Variants in SLC2A13 observed in about 807,000 individuals in gnomAD.
SLC2A13 encodes the protein solute carrier family 2 member 13, also known as proton myo-inositol cotransporter.
A neutral mutation model predicts 64.4 loss-of-function variants in SLC2A13; 32 were observed. The ratio of observed to expected loss-of-function variants is 0.50; its 90% CI spans 0.37 to 0.67. The LOEUF (loss-of-function observed/expected upper bound fraction) is 0.67, where lower values mean the gene tolerates loss of function less well. Among genes scored for constraint, SLC2A13 ranks in the 30% least tolerant of loss-of-function variants. SLC2A13 has a pLI of 0.00. For missense variants in SLC2A13, 743 were observed against 829.2 expected, an observed-to-expected ratio of 0.90 and a Z score of 1.28; for synonymous variants, 338 against 327.1, an observed-to-expected ratio of 1.03 and a Z score of -0.36.
At chr12:39,783,459 A>C (rs1439087407) in intron 7 of SLC2A13, among the ~76,000 whole-genome samples, 2 of 152,196 alleles carry the variant, frequency 1.3e-5, no homozygotes, top group Non-Finnish European at 2.9e-5. Context: ...GTCTTCCACA[A>C]TGGTTGAACT....
chr12:39,951,325 A>T lies in SLC2A13; in HGVS notation c.966T>A (p.Thr322=). The T allele has an allele frequency of 6.2e-7, 1 of 1,611,790 alleles. No homozygotes were observed. Among genetic ancestry groups the T allele is most frequent in the Non-Finnish European group, 8.5e-7 (1 of 1,178,740 alleles). Reference sequence around the variant, plus strand: ...CACAACCCACAATTAAAGCTCGGCGAGTTGGGGGATAACTCAGCATTCTGC... The same window carrying T: ...CACAACCCACAATTAAAGCTCGGCGTGTTGGGGGATAACTCAGCATTCTGC... The part of the protein sequence containing the change: ...VICRMLSYPP[T]RRALIVGCGL... Residue 322 remains threonine (T), a synonymous_variant, in exon 4 of 10, where the codon ACT becomes ACA. Transcript: ENST00000280871.
rs565911623 is a variant in SLC2A13 at position 40,026,412 on chromosome 12, A to C, written c.925+1889T>G. 7.2e-4 allele frequency among the ~76,000 whole-genome samples: 110 copies of C among 152,324 alleles called. 1 individual carries two copies. Among genetic ancestry groups the C allele is most frequent in the Non-Finnish European group, 2.1e-4 (14 of 68,026 alleles). On this transcript the variant is annotated intron_variant, in intron 3 of 9. Coordinates refer to ENST00000280871, the MANE Select transcript of SLC2A13 (RefSeq NM_052885.4). ...GCTATTTAGCTCCCAAAGACTTCTG[A>C]TAAAAACTAAAGCAGATGTTGATAA... is the stretch of plus-strand genomic sequence containing the variant.
intron 4 of SLC2A13, among the ~76,000 whole-genome samples, chr12:39,900,637 T>A (rs1945070493): frequency 6.6e-6 from 1 of 152,118 alleles, no homozygotes; most frequent in Non-Finnish European, 1.5e-5. Context: ...ACAAGGGACG[T>A]GAAGGACCTC....
intron 7 of SLC2A13, among the ~76,000 whole-genome samples, chr12:39,812,378 T>TTTTCTTTTC (rs1942197014): frequency 8.1e-6 from 1 of 122,896 alleles, no homozygotes; most frequent in Non-Finnish European, 1.9e-5. Flanking sequence ...TTTTCTTTTC[T>TTTTCTTTTC]TTTCTTTCTT....
chr12:39,794,338 A>G (rs1941505079), intron 7 of SLC2A13, among the ~76,000 whole-genome samples: 3 of 152,140 alleles, frequency 2.0e-5, no homozygotes, highest in Admixed American at 6.6e-5. Context: ...CTCTTTAGTT[A>G]CTTGAAAGAT....
At chr12:40,104,907 G>C (rs1347614232) in intron 1 of SLC2A13, among the ~76,000 whole-genome samples, 1 of 152,222 alleles carries the variant, frequency 6.6e-6, no homozygotes, top group Non-Finnish European at 1.5e-5. Flanking sequence ...TCAAGAAGCA[G>C]CATCAGGTTA....
intron 2 of SLC2A13, among the ~76,000 whole-genome samples, chr12:40,045,274 GA>G (rs1190695717): frequency 6.6e-6 from 1 of 151,852 alleles, no homozygotes; most frequent in Non-Finnish European, 1.5e-5. Flanking sequence ...CTAATGTGAA[GA>G]TATATAAAAA....
intron 7 of SLC2A13, among the ~76,000 whole-genome samples, chr12:39,796,823 T>C (rs1941591903): frequency 1.3e-5 from 2 of 152,306 alleles, no homozygotes; most frequent in Admixed American, 1.3e-4. Context: ...TGTACTATTT[T>C]TAATAATGAT....
At chr12:39,978,370 G>A (rs1260797453) in intron 3 of SLC2A13, among the ~76,000 whole-genome samples, 4 of 152,180 alleles carry the variant, frequency 2.6e-5, no homozygotes, top group South Asian at 2.1e-4. Flanking sequence ...CAGCGTAAGC[G>A]ATGCAGAAGA....
At chr12:40,088,005 C>G (rs1938641482) in intron 1 of SLC2A13, among the ~76,000 whole-genome samples, 2 of 152,214 alleles carry the variant, frequency 1.3e-5, no homozygotes, top group Middle Eastern at 3.4e-3. Flanking sequence ...TAAAATGAAA[C>G]AGCAGATAAC....
rs747354122 is a variant in SLC2A13, at chr12:39,760,010, T to C, written c.*16A>G. The C allele has an allele frequency of 1.9e-6, 3 of 1,596,600 alleles. No individual in the cohort carries two copies. Among genetic ancestry groups the C allele is most frequent in the South Asian group, 1.1e-5 (1 of 90,560 alleles). On this transcript the variant is annotated 3_prime_UTR_variant, in exon 10 of 10. Coordinates refer to ENST00000280871, the MANE Select transcript of SLC2A13 (RefSeq NM_052885.4). ...CCCAGTTTGTTTAAATAACTAAATA[T>C]ATGAGCAGCTGAAAATTATTCCACA...
chr12:39,773,965 A>G (rs1338595002), intron 7 of SLC2A13, among the ~76,000 whole-genome samples: 1 of 152,186 alleles, frequency 6.6e-6, no homozygotes, highest in East Asian at 1.9e-4. Context: ...GTGAAGCACG[A>G]TTTTATTTCC....
At chr12:39,994,048 CT>C (rs1947183085) in intron 3 of SLC2A13, among the ~76,000 whole-genome samples, 1 of 152,144 alleles carries the variant, frequency 6.6e-6, no homozygotes, top group Non-Finnish European at 1.5e-5. Context: ...TTGCAATCTT[CT>C]TTTTCCAGTC....
intron 3 of SLC2A13, among the ~76,000 whole-genome samples, chr12:39,953,713 A>C (rs1303613314): frequency 6.6e-6 from 1 of 152,202 alleles, no homozygotes; most frequent in Non-Finnish European, 1.5e-5. Flanking sequence ...AAAACCTTTA[A>C]CCAACTAGAT....
chr12:39,866,208 G>C (rs937542711), intron 5 of SLC2A13, among the ~76,000 whole-genome samples: 1 of 152,180 alleles, frequency 6.6e-6, no homozygotes, highest in African/African-American at 2.4e-5. Context: ...AGAACATTGA[G>C]AAGCATCGTG....
At chr12:39,896,541 T>TAC (rs1491477845) in intron 4 of SLC2A13, among the ~76,000 whole-genome samples, 5 of 136,812 alleles carry the variant, frequency 3.7e-5, no homozygotes, top group African/African-American at 1.4e-4. Flanking sequence ...TGTATGTATG[T>TAC]ATGTGTGTAT....
chr12:39,870,121 T>C (rs1944005999), intron 5 of SLC2A13, among the ~76,000 whole-genome samples: 1 of 152,184 alleles, frequency 6.6e-6, no homozygotes, highest in African/African-American at 2.4e-5. Flanking sequence ...CACAGGTTGC[T>C]AGAAATAATG....
At chr12:39,817,324 T>A (rs1405293422) in intron 7 of SLC2A13, among the ~76,000 whole-genome samples, 1 of 148,786 alleles carries the variant, frequency 6.7e-6, no homozygotes, top group Non-Finnish European at 1.5e-5. Flanking sequence ...TAGACAAGGT[T>A]ACACTGCTGT....
intron 3 of SLC2A13, among the ~76,000 whole-genome samples, chr12:39,989,745 A>G (rs918831953): frequency 1.3e-5 from 2 of 152,230 alleles, no homozygotes; most frequent in African/African-American, 4.8e-5. Context: ...ACTGTAGGGA[A>G]GCAGACTTTT....
Sources: allele counts gnomAD v4.1 joint callset (sites outside exome capture counted in the v4.1 genomes callset), GRCh38; gene constraint gnomAD v4.1.1; transcripts MANE v1.5; gene names NCBI Gene and HGNC (gene_info 2026-07-23, HGNC 2026-07-21).